The following RAB3C variants were observed in gnomAD, a reference collection of about 807,000 sequenced individuals.
RAB3C encodes the protein RAB3C, member RAS oncogene family.
RAB3C carries 17 observed loss-of-function variants against 26.4 expected under a neutral mutation model. The observed-to-expected ratio is 0.64, with a 90% CI of 0.44 to 0.97. The LOEUF (loss-of-function observed/expected upper bound fraction) is 0.97, where lower values mean the gene tolerates loss of function less well. RAB3C is among the 50% of genes least tolerant of loss of function. RAB3C has a pLI of 0.00. For synonymous variants in RAB3C, 91 were observed against 95.9 expected, an observed-to-expected ratio of 0.95 and a Z score of 0.30; for missense variants, 242 against 281.9, an observed-to-expected ratio of 0.86 and a Z score of 1.01.
At chr5:58,613,190 T>A (rs1057130059) in intron 1 of RAB3C, among the ~76,000 whole-genome samples, 1 of 152,112 alleles carries the variant, frequency 6.6e-6, no homozygotes, top group African/African-American at 2.4e-5. Context: ...AAATTTAAAA[T>A]GACACAACAA....
chr5:58,656,452 T>C (rs2111797305), intron 2 of RAB3C, among the ~76,000 whole-genome samples: 1 of 152,312 alleles, frequency 6.6e-6, no homozygotes, highest in Middle Eastern at 3.4e-3. Context: ...AATGTATACA[T>C]ATATCAAAAC....
chr5:58,650,232 G>C (rs1352301268), intron 2 of RAB3C, among the ~76,000 whole-genome samples: 1 of 151,988 alleles, frequency 6.6e-6, no homozygotes, highest in Non-Finnish European at 1.5e-5. Flanking sequence ...ATGATATGAG[G>C]GTTTCTAACT....
intron 4 of RAB3C, among the ~76,000 whole-genome samples, chr5:58,832,614 T>C (rs1011517335): frequency 3.3e-5 from 5 of 152,192 alleles, no homozygotes; most frequent in Admixed American, 2.6e-4. Flanking sequence ...AATAGAGGCA[T>C]GGACTCAGTG....
chr5:58,640,995 T>C (rs1328060768), intron 2 of RAB3C, among the ~76,000 whole-genome samples: 2 of 152,212 alleles, frequency 1.3e-5, no homozygotes, highest in Non-Finnish European at 2.9e-5. Flanking sequence ...TTGTGATTTA[T>C]CCCATCAAAC....
At position 58,583,188 on chromosome 5, in the gene RAB3C, G is replaced by C; in HGVS notation, c.-21G>C. Reference sequence around the variant, plus strand: ...CCAGACCAGTGCGGTCCTAGCCAGAGAGAAAGGACATTTGCCAACAATGAG... The same window carrying C: ...CCAGACCAGTGCGGTCCTAGCCAGACAGAAAGGACATTTGCCAACAATGAG... On this transcript the variant is annotated 5_prime_UTR_variant, in exon 1 of 5. Transcript: ENST00000282878. 2 of 1,614,202 alleles carry C rather than the reference G, an allele frequency of 1.2e-6. No homozygotes were observed. Among genetic ancestry groups the C allele is most frequent in the East Asian group, 4.5e-5 (2 of 44,866 alleles).
chr5:58,814,998 C>A (rs1743184925), intron 3 of RAB3C, among the ~76,000 whole-genome samples: 1 of 152,112 alleles, frequency 6.6e-6, no homozygotes, highest in Admixed American at 6.6e-5. Flanking sequence ...AACAGACTTA[C>A]CACAGAGAGG....
intron 2 of RAB3C, among the ~76,000 whole-genome samples, chr5:58,708,072 C>T (rs577739247): frequency 2.0e-5 from 3 of 151,406 alleles, no homozygotes; most frequent in Non-Finnish European, 4.4e-5. Flanking sequence ...CTCACTGTAG[C>T]CTCAAACTCC....
At chr5:58,658,179 T>C (rs1747821333) in intron 2 of RAB3C, among the ~76,000 whole-genome samples, 1 of 152,212 alleles carries the variant, frequency 6.6e-6, no homozygotes, top group Non-Finnish European at 1.5e-5. Context: ...CCCAAAAATA[T>C]TCTGTGAGAT....
At chr5:58,769,644 A>G (rs1453839527) in intron 3 of RAB3C, among the ~76,000 whole-genome samples, 1 of 152,208 alleles carries the variant, frequency 6.6e-6, no homozygotes, top group African/African-American at 2.4e-5. Flanking sequence ...TGGACTTTTC[A>G]TGTCTTTCTG....
intron 2 of RAB3C, among the ~76,000 whole-genome samples, chr5:58,662,826 C>G (rs1247865796): frequency 6.7e-6 from 1 of 150,190 alleles, no homozygotes; most frequent in East Asian, 1.9e-4. Context: ...TGAGGGAACT[C>G]TTTTTGGATG....
At chr5:58,804,132 A>G (rs1742879998) in intron 3 of RAB3C, among the ~76,000 whole-genome samples, 1 of 151,910 alleles carries the variant, frequency 6.6e-6, no homozygotes. Context: ...AAATCCCTTT[A>G]TCTGTAGGTA....
chr5:58,719,366 C>T (rs1157022683), intron 2 of RAB3C, among the ~76,000 whole-genome samples: 1 of 151,902 alleles, frequency 6.6e-6, no homozygotes, highest in African/African-American at 2.4e-5. Flanking sequence ...TTCCTGAATT[C>T]ACACAGTGAG....
chr5:58,720,902 AATTAC>A (rs1466364021), intron 2 of RAB3C, among the ~76,000 whole-genome samples: 1 of 151,900 alleles, frequency 6.6e-6, no homozygotes, highest in Non-Finnish European at 1.5e-5. Flanking sequence ...ACAAAAAACA[AATTAC>A]ATTACAACTC....
At chr5:58,729,611 T>A (rs998283230) in intron 3 of RAB3C, among the ~76,000 whole-genome samples, 57 of 149,522 alleles carry the variant, frequency 3.8e-4, no homozygotes, top group Non-Finnish European at 6.5e-4. Context: ...TTATATGTAA[T>A]AAAATATACA....
At chr5:58,837,557 C>CTTTTT (rs36020735) in intron 4 of RAB3C, among the ~76,000 whole-genome samples, 5 of 118,892 alleles carry the variant, frequency 4.2e-5, no homozygotes, top group Admixed American at 9.1e-5. Flanking sequence ...TTCAGTCTCT[C>CTTTTT]TTTTTTTTTT....
chr5:58,658,887 G>T (rs1747838713), intron 2 of RAB3C, among the ~76,000 whole-genome samples: 1 of 152,146 alleles, frequency 6.6e-6, no homozygotes, highest in South Asian at 2.1e-4. Context: ...AGCATGCAAG[G>T]CTTCTTAAGA....
In RAB3C at chr5:58,774,899, G is replaced by A. The variant is rs115726748; in HGVS notation, c.371+48779G>A. ...GGAACTTTAGTAGGATACAGGTCAGGGGACCAGATCTTGAGGGCCTTGTGA... is the reference window on the plus strand; with the variant it reads ...GGAACTTTAGTAGGATACAGGTCAGAGGACCAGATCTTGAGGGCCTTGTGA... On this transcript the variant is annotated intron_variant, in intron 3 of 4. Coordinates refer to ENST00000282878, the MANE Select transcript of RAB3C (RefSeq NM_138453.4). Among the ~76,000 whole-genome samples the A allele has an allele frequency of 6.7e-3, 1,020 of 152,260 alleles. 14 individuals are homozygous for A. The highest frequency in any genetic ancestry group is 0.024 in the African/African-American group (978 of 41,568).
chr5:58,745,748 T>C (rs1231969728), intron 3 of RAB3C, among the ~76,000 whole-genome samples: 1 of 152,236 alleles, frequency 6.6e-6, no homozygotes, highest in Non-Finnish European at 1.5e-5. Flanking sequence ...CCCTTATATA[T>C]CTTACAAGCA....
intron 2 of RAB3C, among the ~76,000 whole-genome samples, chr5:58,691,953 A>G (rs1748578729): frequency 6.6e-6 from 1 of 152,178 alleles, no homozygotes; most frequent in Non-Finnish European, 1.5e-5. Flanking sequence ...GGACCCAAGC[A>G]TATTTTAGAC....
Sources: allele counts gnomAD v4.1 joint callset (sites outside exome capture counted in the v4.1 genomes callset), GRCh38; gene constraint gnomAD v4.1.1; transcripts MANE v1.5; gene names NCBI Gene and HGNC (gene_info 2026-07-23, HGNC 2026-07-21).